ADAMTS6: variants seen among roughly 807,000 people sequenced by gnomAD.
The protein encoded by ADAMTS6 is A disintegrin and metalloproteinase with thrombospondin motifs 6.
Under a neutral mutation model 144.3 loss-of-function variants are expected in ADAMTS6, and 23 were observed. That is an observed-to-expected ratio of 0.16 (90% CI 0.11 to 0.23). The LOEUF (loss-of-function observed/expected upper bound fraction) is 0.23, where lower values mean the gene tolerates loss of function less well. Among genes scored for constraint, ADAMTS6 ranks in the 10% least tolerant of loss-of-function variants. The pLI is 1.00. For synonymous variants in ADAMTS6, 444 were observed against 457.5 expected, an observed-to-expected ratio of 0.97 and a Z score of 0.38; for missense variants, 999 against 1,379.6, an observed-to-expected ratio of 0.72 and a Z score of 4.37.
At chr5:65,152,974 C>T (rs1752216221) in intron 24 of ADAMTS6, among the ~76,000 whole-genome samples, 1 of 152,106 alleles carries the variant, frequency 6.6e-6, no homozygotes, top group African/African-American at 2.4e-5. Flanking sequence ...AGGAATCAGG[C>T]TGGGCAGTGG....
At chr5:65,291,103 T>C (rs1171682352) in intron 11 of ADAMTS6, among the ~76,000 whole-genome samples, 2 of 152,208 alleles carry the variant, frequency 1.3e-5, no homozygotes, top group African/African-American at 4.8e-5. Flanking sequence ...ACTAAAATTC[T>C]ACCTGCATCC....
At chr5:65,272,125 T>A (rs752078072) in intron 12 of ADAMTS6, among the ~76,000 whole-genome samples, 5 of 152,230 alleles carry the variant, frequency 3.3e-5, no homozygotes, top group Admixed American at 1.3e-4. Context: ...AAAGCTTTCA[T>A]TCTTTTTTAC....
chr5:65,194,014 A>G (rs1239590228), intron 21 of ADAMTS6, among the ~76,000 whole-genome samples: 1 of 152,222 alleles, frequency 6.6e-6, no homozygotes, highest in Non-Finnish European at 1.5e-5. Flanking sequence ...CAAAGTATTA[A>G]CAGTGGTTTA....
intron 7 of ADAMTS6, among the ~76,000 whole-genome samples, chr5:65,402,481 T>C (rs1340947854): frequency 6.6e-6 from 1 of 152,138 alleles, no homozygotes; most frequent in Non-Finnish European, 1.5e-5. Flanking sequence ...GATTACTTCA[T>C]ACTTCTTCTC....
intron 14 of ADAMTS6, among the ~76,000 whole-genome samples, chr5:65,244,972 G>A (rs1050817915): frequency 6.6e-6 from 1 of 152,038 alleles, no homozygotes; most frequent in South Asian, 2.1e-4. Flanking sequence ...CAAGAGTTTC[G>A]GAGTAAGGCA....
At chr5:65,348,259 T>C (rs777434325) in intron 7 of ADAMTS6, among the ~76,000 whole-genome samples, 2 of 152,122 alleles carry the variant, frequency 1.3e-5, no homozygotes, top group Non-Finnish European at 2.9e-5. Context: ...AATCAATCTC[T>C]GTCTATCTAC....
chr5:65,247,524 A>G (rs553854828), intron 14 of ADAMTS6, among the ~76,000 whole-genome samples: 3 of 152,238 alleles, frequency 2.0e-5, no homozygotes, highest in African/African-American at 7.2e-5. Context: ...TTTCATTTGC[A>G]AAATATACCC....
At chr5:65,462,518 C>T (rs1759702511) in intron 3 of ADAMTS6, among the ~76,000 whole-genome samples, 1 of 152,074 alleles carries the variant, frequency 6.6e-6, no homozygotes, top group Non-Finnish European at 1.5e-5. Context: ...TTTGACGTAC[C>T]ACTAACTGTT....
Position 65,322,943 on chromosome 5 carries a change from C to A in ADAMTS6, c.1223+6435G>T, listed in dbSNP as rs1467959075. On this transcript the variant is annotated intron_variant, in intron 9 of 24. Coordinates refer to ENST00000381055, the MANE Select transcript of ADAMTS6 (RefSeq NM_197941.4). Reference sequence around the variant, plus strand: ...TAAACAGGAGTGGTGAGAGAGGGCACTTTTGTCTTATGCCAGTTTTTGTGG... The same window carrying A: ...TAAACAGGAGTGGTGAGAGAGGGCAATTTTGTCTTATGCCAGTTTTTGTGG... Among the ~76,000 whole-genome samples, 4 of 152,088 alleles carry A rather than the reference C, an allele frequency of 2.6e-5. No individual in the cohort carries two copies. In the East Asian group the frequency reaches 7.7e-4, roughly 29 times the overall value.
intron 11 of ADAMTS6, among the ~76,000 whole-genome samples, chr5:65,284,505 TA>T (rs1296097956): frequency 6.6e-6 from 1 of 152,150 alleles, no homozygotes; most frequent in Non-Finnish European, 1.5e-5. Flanking sequence ...TGAATGAATA[TA>T]AACTATGTGG....
intron 15 of ADAMTS6, among the ~76,000 whole-genome samples, chr5:65,238,016 G>T (rs1441642669): frequency 6.6e-6 from 1 of 151,854 alleles, no homozygotes; most frequent in African/African-American, 2.4e-5. Flanking sequence ...AGCCCAGGAG[G>T]TTGAGGCTGC....
At position 65,190,812 on chromosome 5, in the gene ADAMTS6, T is replaced by C. The variant is rs192807605; in HGVS notation, c.2706-2592A>G. On this transcript the variant is annotated intron_variant, in intron 21 of 24. Coordinates refer to ENST00000381055, the MANE Select transcript of ADAMTS6 (RefSeq NM_197941.4). Reference sequence around the variant, plus strand: ...TTTCAGGCTTCACACTCAGTCCCTGTTGCATCTTTATTGCTCATCGTATCA... The same window carrying C: ...TTTCAGGCTTCACACTCAGTCCCTGCTGCATCTTTATTGCTCATCGTATCA... 2.3e-4 allele frequency among the ~76,000 whole-genome samples: 35 copies of C among 152,284 alleles called. 2 individuals carry two copies. The East Asian group carries it at 5.8e-3, about 25-fold the overall frequency.
At chr5:65,243,617 G>C (rs1354913194) in intron 14 of ADAMTS6, among the ~76,000 whole-genome samples, 1 of 151,950 alleles carries the variant, frequency 6.6e-6, no homozygotes, top group Non-Finnish European at 1.5e-5. Flanking sequence ...TAGGCTAGTA[G>C]GTGTATCAGG....
chr5:65,383,722 A>C (rs745838066), intron 7 of ADAMTS6, among the ~76,000 whole-genome samples: 20 of 152,034 alleles, frequency 1.3e-4, no homozygotes, highest in Non-Finnish European at 2.5e-4. Context: ...CCACAGCTCC[A>C]CTGGTCATTG....
chr5:65,270,802 T>C (rs924553997), intron 12 of ADAMTS6, among the ~76,000 whole-genome samples: 3 of 152,170 alleles, frequency 2.0e-5, no homozygotes, highest in Non-Finnish European at 4.4e-5. Flanking sequence ...CTTTGCCATA[T>C]TTACAAGGTT....
At chr5:65,400,765 G>A (rs940874080) in intron 7 of ADAMTS6, among the ~76,000 whole-genome samples, 2 of 151,920 alleles carry the variant, frequency 1.3e-5, no homozygotes, top group African/African-American at 2.4e-5. Flanking sequence ...TAGTTTTTGA[G>A]ATTTAGAGTC....
intron 14 of ADAMTS6, among the ~76,000 whole-genome samples, chr5:65,248,877 A>C (rs539117460): frequency 6.6e-6 from 1 of 152,308 alleles, no homozygotes; most frequent in South Asian, 2.1e-4. Flanking sequence ...TTTGTGCTAA[A>C]AACCTAGTCC....
chr5:65,300,844 G>A (rs1035505440), intron 9 of ADAMTS6, among the ~76,000 whole-genome samples: 50 of 152,032 alleles, frequency 3.3e-4, no homozygotes, highest in Non-Finnish European at 6.3e-4. Flanking sequence ...TGTTAGCCAG[G>A]ATGGTCTCGA....
chr5:65,389,978 A>G (rs1294585492), intron 7 of ADAMTS6, among the ~76,000 whole-genome samples: 1 of 152,212 alleles, frequency 6.6e-6, no homozygotes, highest in Non-Finnish European at 1.5e-5. Flanking sequence ...AGAACTCTCA[A>G]AGCCCAAAAT....
Sources: allele counts gnomAD v4.1 joint callset (sites outside exome capture counted in the v4.1 genomes callset), GRCh38; gene constraint gnomAD v4.1.1; transcripts MANE v1.5; gene names NCBI Gene and HGNC (gene_info 2026-07-23, HGNC 2026-07-21).